ROBO1: variants seen among roughly 807,000 people sequenced by gnomAD.
ROBO1 encodes roundabout guidance receptor 1.
Under a neutral mutation model 195.9 loss-of-function variants are expected in ROBO1, and 149 were observed. The observed-to-expected ratio is 0.76, with a 90% CI of 0.67 to 0.87. ROBO1 has a LOEUF of 0.87. ROBO1 is among the 40% of genes least tolerant of loss of function. The probability of loss-of-function intolerance (pLI) is 0.00; values close to 1 mark genes in which losing one functional copy is unlikely to be tolerated. For missense variants in ROBO1, 1,933 were observed against 2,068.3 expected (o/e 0.93, Z 1.27); for synonymous variants, 816 against 733.2 (o/e 1.11, Z -1.82).
chr3:78,980,175 T>C (rs913052346), intron 3 of ROBO1, among the ~76,000 whole-genome samples: 1 of 152,154 alleles, frequency 6.6e-6, no homozygotes, highest in Admixed American at 6.6e-5. Context: ...GAATTCAGCA[T>C]GTTCAAAGAG....
chr3:78,918,690 C>G (rs1345847918), intron 4 of ROBO1, among the ~76,000 whole-genome samples: 1 of 152,066 alleles, frequency 6.6e-6, no homozygotes, highest in African/African-American at 2.4e-5. Flanking sequence ...CAAGTTTAGA[C>G]TGTCAACTTC....
intron 2 of ROBO1, among the ~76,000 whole-genome samples, chr3:79,506,315 C>A (rs1235545113): frequency 6.6e-6 from 1 of 151,964 alleles, no homozygotes; most frequent in Non-Finnish European, 1.5e-5. Flanking sequence ...GCCTAACCAG[C>A]AACGGGGTGA....
intron 2 of ROBO1, among the ~76,000 whole-genome samples, chr3:79,306,229 G>C (rs1043036663): frequency 1.3e-5 from 2 of 152,118 alleles, no homozygotes; most frequent in Admixed American, 1.3e-4. Context: ...AGCTGTAAAA[G>C]TTCTACTACA....
chr3:79,095,632 T>A (rs967914985), intron 3 of ROBO1, among the ~76,000 whole-genome samples: 1 of 152,094 alleles, frequency 6.6e-6, no homozygotes, highest in African/African-American at 2.4e-5. Flanking sequence ...GGAGACTATG[T>A]AAGATAATAA....
chr3:79,609,255 T>A (rs1944582476), intron 1 of ROBO1, among the ~76,000 whole-genome samples: 1 of 151,788 alleles, frequency 6.6e-6, no homozygotes, highest in Admixed American at 6.6e-5. Context: ...ATTGTTTGTC[T>A]TGCTAGCAAC....
At chr3:79,466,446 A>G (rs1228294964) in intron 2 of ROBO1, among the ~76,000 whole-genome samples, 3 of 152,184 alleles carry the variant, frequency 2.0e-5, no homozygotes, top group African/African-American at 7.2e-5. Context: ...TGACAAAGAG[A>G]TCGATACAGC....
intron 2 of ROBO1, among the ~76,000 whole-genome samples, chr3:79,186,512 G>A (rs988841902): frequency 6.6e-6 from 1 of 151,976 alleles, no homozygotes; most frequent in Non-Finnish European, 1.5e-5. Context: ...TAGGTGACAC[G>A]TTTCTCAATC....
intron 2 of ROBO1, among the ~76,000 whole-genome samples, chr3:79,585,526 C>A (rs535732196): frequency 6.6e-6 from 1 of 152,010 alleles, no homozygotes; most frequent in East Asian, 1.9e-4. Context: ...GCGAAATAAA[C>A]CAGTAGTGGC....
At chr3:79,357,531 C>T (rs1239343238) in intron 2 of ROBO1, among the ~76,000 whole-genome samples, 1 of 151,938 alleles carries the variant, frequency 6.6e-6, no homozygotes, top group Non-Finnish European at 1.5e-5. Flanking sequence ...CTCAGTTACA[C>T]AAGAAAAAAA....
intron 2 of ROBO1, among the ~76,000 whole-genome samples, chr3:79,163,424 T>C (rs753451059): frequency 1.3e-5 from 2 of 152,144 alleles, no homozygotes; most frequent in Non-Finnish European, 2.9e-5. Context: ...GGTTCATTCA[T>C]CTGCTGATGG....
intron 2 of ROBO1, among the ~76,000 whole-genome samples, chr3:79,301,301 T>TTCTTGAAGACTGA (rs2032942530): frequency 6.6e-6 from 1 of 152,186 alleles, no homozygotes; most frequent in Non-Finnish European, 1.5e-5. Context: ...GTCCGCGACT[T>TTCTTGAAGACTGA]CTTTCTTGAA....
At chr3:79,289,026 G>A (rs1178781518) in intron 2 of ROBO1, among the ~76,000 whole-genome samples, 6 of 151,266 alleles carry the variant, frequency 4.0e-5, no homozygotes, top group African/African-American at 1.2e-4. Context: ...AAGAGACTAC[G>A]AAAATTTCAA....
intron 1 of ROBO1, among the ~76,000 whole-genome samples, chr3:79,662,377 A>G (rs1369808961): frequency 6.6e-6 from 1 of 152,098 alleles, no homozygotes; most frequent in Non-Finnish European, 1.5e-5. Flanking sequence ...CCTGCTAATT[A>G]AGGTTTGTTT....
chr3:78,739,524 C>A (rs1021971138), intron 5 of ROBO1, among the ~76,000 whole-genome samples: 4 of 152,060 alleles, frequency 2.6e-5, no homozygotes, highest in African/African-American at 7.2e-5. Flanking sequence ...ATAAATCCTT[C>A]TTTTCCTAAG....
intron 3 of ROBO1, among the ~76,000 whole-genome samples, chr3:79,014,387 C>G (rs1367505499): frequency 6.6e-6 from 1 of 152,146 alleles, no homozygotes; most frequent in Non-Finnish European, 1.5e-5. Context: ...GCAGGAGAAT[C>G]ACGTGAACCC....
At chr3:78,618,120 A>T in intron 26 of ROBO1, 79 bp from the exon 27 acceptor site, 1 of 1,424,686 alleles carries the variant, frequency 7.0e-7, no homozygotes, top group East Asian at 2.4e-5. Context: ...AGAAATTCAC[A>T]AGCATGCAGA....
rs533728372 is a variant in ROBO1 at position 79,376,935 on chromosome 3, T to C, written c.88+212889A>G. On this transcript the variant is annotated intron_variant, in intron 2 of 30. Transcript: ENST00000464233. ...GTTTCTTCTCCTACCACTTCAACTT[T>C]CACTTATATAACAATAGAAACACAT... Among the ~76,000 whole-genome samples the C allele has an allele frequency of 2.6e-5, 4 of 152,246 alleles. No homozygotes were observed. In the South Asian group the frequency reaches 8.3e-4, roughly 32 times the overall value.
chr3:78,712,283 T>A (rs1353278609), intron 8 of ROBO1, among the ~76,000 whole-genome samples: 1 of 152,126 alleles, frequency 6.6e-6, no homozygotes, highest in African/African-American at 2.4e-5. Flanking sequence ...CTTTTAAAAA[T>A]GAGCTATACA....
At chr3:79,074,043 C>A (rs1435097396) in intron 3 of ROBO1, among the ~76,000 whole-genome samples, 2 of 151,664 alleles carry the variant, frequency 1.3e-5, no homozygotes, top group Non-Finnish European at 2.9e-5. Context: ...TTAACAATTA[C>A]TTTTCAAATA....
Sources: allele counts gnomAD v4.1 joint callset (sites outside exome capture counted in the v4.1 genomes callset), GRCh38; gene constraint gnomAD v4.1.1; transcripts MANE v1.5; gene names NCBI Gene and HGNC (gene_info 2026-07-23, HGNC 2026-07-21).